The following SMG6 variants were observed in gnomAD, a reference collection of about 807,000 sequenced individuals.
The protein encoded by SMG6 is SMG6 nonsense mediated mRNA decay factor, also known as telomerase-binding protein EST1A.
A neutral mutation model predicts 142.2 loss-of-function variants in SMG6; 66 were observed. The ratio of observed to expected loss-of-function variants is 0.46; its 90% CI spans 0.38 to 0.57. SMG6 has a LOEUF of 0.57. SMG6 is among the 20% of genes least tolerant of loss of function. SMG6 has a pLI of 0.00. For missense variants in SMG6, 1,793 were observed against 1,832.0 expected (o/e 0.98, Z 0.39); for synonymous variants, 779 against 702.4 (o/e 1.11, Z -1.72).
intron 13 of SMG6, among the ~76,000 whole-genome samples, chr17:2,098,089 G>A (rs956997045): frequency 1.3e-5 from 2 of 152,076 alleles, no homozygotes; most frequent in Non-Finnish European, 2.9e-5. Context: ...CTCAGACTCA[G>A]GTGATCCTTC....
At chr17:2,281,131 G>A (rs761339782) in intron 8 of SMG6, among the ~76,000 whole-genome samples, 6 of 152,244 alleles carry the variant, frequency 3.9e-5, no homozygotes, top group Admixed American at 2.0e-4. Flanking sequence ...CAGCCTTGAC[G>A]CTCTTGGGCT....
chr17:2,249,900 T>A (rs1406355136), intron 8 of SMG6, among the ~76,000 whole-genome samples: 3 of 152,160 alleles, frequency 2.0e-5, no homozygotes, highest in Admixed American at 6.5e-5. Flanking sequence ...GATGGGTAGG[T>A]CTCTGGACAC....
intron 9 of SMG6, 36 bp from the exon 10 acceptor site, chr17:2,236,673 T>C (rs1334990017): frequency 1.9e-6 from 3 of 1,580,064 alleles, no homozygotes; most frequent in African/African-American, 1.4e-5. Flanking sequence ...GAGGCACCTC[T>C]CTCTTTCAGT....
chr17:2,086,802 G>A (rs998941817), intron 13 of SMG6, among the ~76,000 whole-genome samples: 5 of 152,142 alleles, frequency 3.3e-5, no homozygotes, highest in African/African-American at 9.7e-5. Context: ...GCCCCTGTGT[G>A]CCCTTCTCTT....
At chr17:2,215,734 AAG>A (rs1310153177) in intron 10 of SMG6, 1 of 152,104 alleles carries the variant, frequency 6.6e-6, no homozygotes, top group African/African-American at 2.4e-5. Flanking sequence ...CAGAGAGAGA[AAG>A]AGAGAGAAAA....
intron 3 of SMG6, 92 bp from the exon 4 acceptor site, chr17:2,297,445 G>C (rs978927686): frequency 5.5e-6 from 5 of 904,118 alleles, no homozygotes; most frequent in East Asian, 2.5e-5. Flanking sequence ...TCACAGTTCT[G>C]CTGATGTTCA....
chr17:2,096,744 A>C (rs2068866297), intron 13 of SMG6, among the ~76,000 whole-genome samples: 1 of 149,382 alleles, frequency 6.7e-6, no homozygotes, highest in Admixed American at 6.6e-5. Context: ...GGACTGCTAG[A>C]CATCCTGGGC....
intron 13 of SMG6, among the ~76,000 whole-genome samples, chr17:2,149,852 C>T (rs1201058149): frequency 6.6e-6 from 1 of 152,206 alleles, no homozygotes; most frequent in African/African-American, 2.4e-5. Flanking sequence ...CATTTCAGTT[C>T]TAAGTCCACA....
At chr17:2,088,274 C>T (rs187346198) in intron 13 of SMG6, 2 of 985,402 alleles carry the variant, frequency 2.0e-6, no homozygotes, top group Admixed American at 1.2e-4. Context: ...AGAAAAGCCA[C>T]ATGTGTGGAT....
intron 13 of SMG6, among the ~76,000 whole-genome samples, chr17:2,130,247 A>G: frequency 9.0e-6 from 1 of 111,428 alleles, no homozygotes; most frequent in South Asian, 2.8e-4. Flanking sequence ...GGCCTGGGCG[A>G]CAGAGCGAGA....
At chr17:2,188,587 C>T in intron 10 of SMG6, 72 bp from the exon 11 acceptor site, 1 of 1,321,718 alleles carries the variant, frequency 7.6e-7, no homozygotes, top group Admixed American at 1.8e-5. Context: ...CGTTACCGAG[C>T]TTCCTTTTCC....
chr17:2,195,149 A>G (rs1417832816), intron 10 of SMG6, among the ~76,000 whole-genome samples: 2 of 152,214 alleles, frequency 1.3e-5, no homozygotes, highest in East Asian at 3.8e-4. Flanking sequence ...CTGTGGGGTG[A>G]CAGGCTCCTC....
At chr17:2,180,410 A>C (rs1480415118) in intron 12 of SMG6, among the ~76,000 whole-genome samples, 1 of 152,202 alleles carries the variant, frequency 6.6e-6, no homozygotes, top group Non-Finnish European at 1.5e-5. Flanking sequence ...TAACGGGTAC[A>C]ACTGGGGAGT....
At chr17:2,106,565 C>T (rs1285673219) in intron 13 of SMG6, among the ~76,000 whole-genome samples, 2 of 152,130 alleles carry the variant, frequency 1.3e-5, no homozygotes, top group African/African-American at 4.8e-5. Context: ...GGTCTTATGT[C>T]CCACAGGAAT....
chr17:2,128,165 C>T (rs2069964642), intron 13 of SMG6, among the ~76,000 whole-genome samples: 1 of 152,230 alleles, frequency 6.6e-6, no homozygotes, highest in African/African-American at 2.4e-5. Flanking sequence ...CCCACAGGCA[C>T]ATCCACGCGC....
chr17:2,098,660 C>T (rs116143177), intron 13 of SMG6, among the ~76,000 whole-genome samples: 4,137 of 152,146 alleles, frequency 0.027, 167 homozygotes, highest in African/African-American at 0.093. Context: ...GAGACAGTCT[C>T]GGTCTTGTTG....
chr17:2,190,989 TG>T (rs1270698417), intron 10 of SMG6, among the ~76,000 whole-genome samples: 1 of 152,194 alleles, frequency 6.6e-6, no homozygotes, highest in East Asian at 1.9e-4. Context: ...GAGCACCTCC[TG>T]GAAGGCCTGT....
At chr17:2,139,214 A>G (rs1193615237) in intron 13 of SMG6, among the ~76,000 whole-genome samples, 2 of 152,222 alleles carry the variant, frequency 1.3e-5, no homozygotes, top group African/African-American at 2.4e-5. Context: ...GTTGTGCAAG[A>G]AAAGGCAGAA....
At chr17:2,259,901 T>C (rs917212001) in intron 8 of SMG6, among the ~76,000 whole-genome samples, 9 of 152,102 alleles carry the variant, frequency 5.9e-5, no homozygotes, top group African/African-American at 2.2e-4. Flanking sequence ...AAAGACGGTT[T>C]CACAAACCAC....
Sources: allele counts gnomAD v4.1 joint callset (sites outside exome capture counted in the v4.1 genomes callset), GRCh38; gene constraint gnomAD v4.1.1; transcripts MANE v1.5; gene names NCBI Gene and HGNC (gene_info 2026-07-23, HGNC 2026-07-21).